Variants in CRTC2 observed in about 807,000 individuals in gnomAD.
CRTC2 encodes the protein CREB regulated transcription coactivator 2, also known as CREB-regulated transcription coactivator 2.
Under a neutral mutation model 70.9 loss-of-function variants are expected in CRTC2, and 25 were observed. That is an observed-to-expected ratio of 0.35 (90% CI 0.26 to 0.49). CRTC2 has a LOEUF of 0.49. Ranked by LOEUF, CRTC2 falls within the 20% of genes least tolerant of loss-of-function variation. The pLI, the probability that CRTC2 is intolerant of heterozygous loss-of-function variation, is 0.98. For synonymous variants in CRTC2, 330 were observed against 364.1 expected (o/e 0.91, Z 1.07); for missense variants, 737 against 882.6 (o/e 0.83, Z 2.09).
rs146148967 is a variant in CRTC2, at chr1:153,948,374, T to C, written c.1862-45A>G. 147 of 1,613,290 alleles carry C rather than the reference T, an allele frequency of 9.1e-5. No homozygotes were observed. The African/African-American group carries it at 1.9e-3, about 20-fold the overall frequency. The stretch of plus-strand genomic sequence containing the variant: ...GTGAGGACCCCATGTCCTGTAAACT[T>C]TTCCAAGACCCCTCAATCTCCTACT... On this transcript the variant is annotated intron_variant, in intron 13 of 13. Coordinates refer to ENST00000368633, the MANE Select transcript of CRTC2 (RefSeq NM_181715.3).
intron 10 of CRTC2, 39 bp from the exon 11 acceptor site, chr1:153,951,705 C>T (rs756305569): frequency 7.5e-6 from 12 of 1,600,614 alleles, no homozygotes; most frequent in Non-Finnish European, 1.0e-5. Flanking sequence ...GCCAACATTA[C>T]TGATGGGAAC....
Position 153,951,533 on chromosome 1 carries a change from C to T in CRTC2, c.1131G>A (p.Leu377=), listed in dbSNP as rs1317956828. The change falls in exon 11 of 14, where the codon TTG becomes TTA. Residue 377 remains leucine (L), a synonymous_variant. Coordinates refer to ENST00000368633, the MANE Select transcript of CRTC2 (RefSeq NM_181715.3). Reference sequence around the variant, plus strand: ...AGGTGGTGGGCAGTACATGGCGGGCCAAGGAGGAGGCAGGCAGAGAGGGGT... The same window carrying T: ...AGGTGGTGGGCAGTACATGGCGGGCTAAGGAGGAGGCAGGCAGAGAGGGGT... ...HSHPSLPASS[L]ARHVLPTTSL... is the part of the protein sequence containing the mutation. 1 of 1,606,280 alleles carries T rather than the reference C, an allele frequency of 6.2e-7. No homozygotes were observed. The highest frequency in any genetic ancestry group is 8.5e-7 in the Non-Finnish European group (1 of 1,176,400).
At position 153,948,648 on chromosome 1, in the gene CRTC2, T is replaced by C. The variant is rs762475647; in HGVS notation, c.1675-4A>G. ...TCTCCATGCTGAACTGCTCCAGCTA[T>C]AGACATACAGACAAATCTTTAGGAA... On this transcript the variant is annotated splice_polypyrimidine_tract_variant and splice_region_variant and intron_variant, in intron 12 of 13. Coordinates refer to ENST00000368633, the MANE Select transcript of CRTC2 (RefSeq NM_181715.3). 8 of 1,576,782 alleles carry C rather than the reference T, an allele frequency of 5.1e-6. No homozygotes were observed. The East Asian group carries it at 1.1e-4, about 22-fold the overall frequency.
chr1:153,952,731 AAC>A, intron 7 of CRTC2, 72 bp downstream of exon 7: 1 of 1,608,712 alleles, frequency 6.2e-7, no homozygotes, highest in Non-Finnish European at 8.5e-7. Context: ...CTGCTCCCTG[AAC>A]CTGCACACAA....
chr1:153,952,729 T>G (rs1680422693), intron 7 of CRTC2, 76 bp downstream of exon 7: 2 of 1,607,102 alleles, frequency 1.2e-6, no homozygotes, highest in Non-Finnish European at 1.7e-6. Context: ...TCCTGCTCCC[T>G]GAACCTGCAC....
In CRTC2 at chr1:153,954,920, G is replaced by A; in HGVS notation, c.325C>T (p.Arg109Ter). The change falls in exon 3 of 14, where the codon CGA becomes TGA. Residue 109 changes from arginine (R) to a stop codon, truncating the protein, a stop_gained. Transcript: ENST00000368633. LOFTEE classifies it high-confidence loss of function. ...GGGGACACCATTCTTCGAGGATCTC[G>A]CTGCACCCGTTCCACCAGCCCATGG... ...RHHGLVERVQRDPRRMVSPLR... is the reference protein window; with the variant it reads ...RHHGLVERVQ 4 of 1,614,000 alleles carry A rather than the reference G, an allele frequency of 2.5e-6. No homozygotes were observed. The highest frequency in any genetic ancestry group is 3.4e-6 in the Non-Finnish European group (4 of 1,180,020).
Position 153,958,461 on chromosome 1 carries a change from T to A in CRTC2, c.37A>T (p.Thr13Ser). The A allele has an allele frequency of 1.2e-6, 2 of 1,613,158 alleles. No individual in the cohort carries two copies. Among genetic ancestry groups the A allele is most frequent in the Non-Finnish European group, 1.7e-6 (2 of 1,179,698 alleles). ...TTGCGCGGATTGGAAGCCGAGGCCG[T>A]GGCCGAACCAGGCCCGTTCGCCCCC... Reference protein sequence around the residue: ...TSGANGPGSATASASNPRKFS... With the variant: ...TSGANGPGSASASASNPRKFS... The change falls in exon 1 of 14, where the codon ACG (threonine) becomes TCG (serine). Residue 13 changes from threonine (T) to serine (S), a missense_variant. Physicochemically the swap from Thr to Ser is moderately conservative, Grantham distance 58. Coordinates refer to ENST00000368633, the MANE Select transcript of CRTC2 (RefSeq NM_181715.3).
Position 153,953,372 on chromosome 1 carries a change from A to AT in CRTC2, c.504-4dup. ...GAAGGGCAGAGTCAGAGCTTGTCCTATGGGGGGAGCAGGAATGAGCTGACA... is the reference window on the plus strand; with the variant it reads ...GAAGGGCAGAGTCAGAGCTTGTCCTATTGGGGGGAGCAGGAATGAGCTGACA... On this transcript the variant is annotated splice_polypyrimidine_tract_variant and splice_region_variant and intron_variant, in intron 5 of 13. Transcript: ENST00000368633. The AT allele has an allele frequency of 1.0e-5, 16 of 1,600,906 alleles. No homozygotes were observed. Among genetic ancestry groups the AT allele is most frequent in the Non-Finnish European group, 1.4e-5 (16 of 1,171,764 alleles).
rs1351027255 is a variant in CRTC2, at chr1:153,954,395, A to G, written c.373-79T>C. Reference sequence around the variant, plus strand: ...ATGAGGAAAGAACAATGAAGGCAGCAGATAAGTTGTTTCAAGAAACTCATA... The same window carrying G: ...ATGAGGAAAGAACAATGAAGGCAGCGGATAAGTTGTTTCAAGAAACTCATA... On this transcript the variant is annotated intron_variant, in intron 3 of 13. Transcript: ENST00000368633. The G allele has an allele frequency of 3.1e-6, 3 of 977,668 alleles. No homozygotes were observed. In the East Asian group the frequency reaches 7.6e-5, roughly 25 times the overall value. 60.6% of individuals were successfully genotyped at this position (977,668 alleles called of 1,614,324 possible). A position where few individuals can be genotyped will look rare whatever the true frequency, so the allele number is the denominator to read the frequency against.
Position 153,954,934 on chromosome 1 carries a change from A to G in CRTC2, c.311T>C (p.Val104Ala), listed in dbSNP as rs747136603. The G allele has an allele frequency of 6.2e-7, 1 of 1,614,124 alleles. No individual in the cohort carries two copies. The highest frequency in any genetic ancestry group is 8.5e-7 in the Non-Finnish European group (1 of 1,180,014). ...SSRSTRHHGL[V>A]ERVQRDPRRM... Reference sequence around the variant, plus strand: ...TCGAGGATCTCGCTGCACCCGTTCCACCAGCCCATGGTGCCGAGTGCTCCG... The same window carrying G: ...TCGAGGATCTCGCTGCACCCGTTCCGCCAGCCCATGGTGCCGAGTGCTCCG... The change falls in exon 3 of 14, where the codon GTG becomes GCG. Residue 104 changes from valine to alanine, a missense_variant. By Grantham distance (64) the Val-to-Ala change is moderately conservative (BLOSUM62 0). Transcript: ENST00000368633.
chr1:153,948,272 C>T lies in CRTC2; in HGVS notation c.1919G>A (p.Gly640Asp). ...EIAAALAGVPGFEVSAAGLEL... is the reference protein window; with the variant it reads ...EIAAALAGVPDFEVSAAGLEL... ...CAATCCAGCTGCTGACACCTCAAAG[C>T]CAGGCACTCCGGCCAGGGCTGCTGC... Residue 640 changes from glycine to aspartate, a missense_variant, in exon 14 of 14, where the codon GGC becomes GAC. Physicochemically the swap from Gly to Asp is moderately conservative, Grantham distance 94. This residue lies in a region of CRTC2 where 699 missense variants were observed against 823.7 expected (regional missense o/e 0.85). Coordinates refer to ENST00000368633, the MANE Select transcript of CRTC2 (RefSeq NM_181715.3). 4 of 1,614,264 alleles carry T rather than the reference C, an allele frequency of 2.5e-6. No individual in the cohort carries two copies. The highest frequency in any genetic ancestry group is 3.4e-6 in the Non-Finnish European group (4 of 1,180,052).
In CRTC2 at chr1:153,954,921, C is replaced by T; in HGVS notation, c.324G>A (p.Gln108=). The T allele has an allele frequency of 6.2e-7, 1 of 1,614,068 alleles. No homozygotes were observed. The highest frequency in any genetic ancestry group is 8.5e-7 in the Non-Finnish European group (1 of 1,180,030). Residue 108 remains glutamine (Q), a synonymous_variant, in exon 3 of 14, where the codon CAG becomes CAA. Coordinates refer to ENST00000368633, the MANE Select transcript of CRTC2 (RefSeq NM_181715.3). ...TRHHGLVERV[Q]RDPRRMVSPL... ...GGGACACCATTCTTCGAGGATCTCG[C>T]TGCACCCGTTCCACCAGCCCATGGT... is the stretch of plus-strand genomic sequence containing the variant.
At position 153,955,571 on chromosome 1, in the gene CRTC2, A is replaced by AG. The variant is rs1204749497; in HGVS notation, c.154-406_154-405insC. On this transcript the variant is annotated intron_variant, in intron 1 of 13. Transcript: ENST00000368633. ...AACAGAGAGAGACTCTGTCTCAAAA[A>AG]AAAAAAAAAAAAAAAAGGATCACTT... Among the ~76,000 whole-genome samples the AG allele has an allele frequency of 4.1e-4, 61 of 150,408 alleles. 1 individual carries two copies. The highest frequency in any genetic ancestry group is 1.4e-3 in the African/African-American group (57 of 41,036).
Position 153,955,173 on chromosome 1 carries a change from C to A in CRTC2, c.154-7G>T. ...GCAGTTTTTGGGCCTGTAACTGAGA[C>A]ATGGGGAACAAGTGGGAATGTCAGG... is the stretch of plus-strand genomic sequence containing the variant. On this transcript the variant is annotated splice_polypyrimidine_tract_variant and splice_region_variant and intron_variant, in intron 1 of 13. Transcript: ENST00000368633. 1 of 1,606,400 alleles carries A rather than the reference C, an allele frequency of 6.2e-7. No homozygotes were observed. The highest frequency in any genetic ancestry group is 1.3e-5 in the African/African-American group (1 of 74,856).
At chr1:153,953,640 G>T in intron 4 of CRTC2, 34 bp from the exon 5 acceptor site, 1 of 1,490,582 alleles carries the variant, frequency 6.7e-7, no homozygotes, top group Non-Finnish European at 9.3e-7. Context: ...GAGGAGGAAG[G>T]CTGGCAGTGG....
Position 153,951,563 on chromosome 1 carries a change from G to A in CRTC2, c.1101C>T (p.His367=), listed in dbSNP as rs757216564. The change falls in exon 11 of 14, where the codon CAC becomes CAT. Residue 367 remains histidine, a synonymous_variant. Transcript: ENST00000368633. ...SSPQPQLQGS[H]SHPSLPASSL... ...AGGAGGCAGGCAGAGAGGGGTGGCTGTGGGAGCCCTGAAGCTGGGGCTGAG... is the reference window on the plus strand; with the variant it reads ...AGGAGGCAGGCAGAGAGGGGTGGCTATGGGAGCCCTGAAGCTGGGGCTGAG... 4 of 1,611,602 alleles carry A rather than the reference G, an allele frequency of 2.5e-6. No individual in the cohort carries two copies. The East Asian group carries it at 8.9e-5, about 36-fold the overall frequency.
At chr1:153,957,721 C>G (rs1046330318) in intron 1 of CRTC2, among the ~76,000 whole-genome samples, 6 of 152,186 alleles carry the variant, frequency 3.9e-5, no homozygotes, top group African/African-American at 1.4e-4. Context: ...CCCTACCTCT[C>G]CTCCAAGGAG....
At chr1:153,954,591 A>G (rs1469528570) in intron 3 of CRTC2, among the ~76,000 whole-genome samples, 1 of 152,142 alleles carries the variant, frequency 6.6e-6, no homozygotes. Flanking sequence ...AAGAGACCCA[A>G]TCTCCTTTAG....
chr1:153,953,197 T>TAATAAATA (rs557807536), intron 6 of CRTC2, 69 bp downstream of exon 6: 7 of 822,612 alleles, frequency 8.5e-6, no homozygotes, highest in African/African-American at 3.6e-5. Flanking sequence ...AAGAAAGAAA[T>TAATAAATA]AATAAATAAA....
Sources: gnomAD v4.1 joint callset for allele counts (sites outside exome capture counted in the v4.1 genomes callset) on GRCh38, gnomAD v4.1.1 for gene constraint, gnomAD v4.1.1 regional missense constraint, MANE v1.5 for transcripts, NCBI Gene and HGNC (gene_info 2026-07-23, HGNC 2026-07-21) for gene names.